Variants in TYW1 observed in about 807,000 individuals in gnomAD.
TYW1 encodes S-adenosyl-L-methionine-dependent tRNA 4-demethylwyosine synthase TYW1.
Under a neutral mutation model 96.2 loss-of-function variants are expected in TYW1, and 46 were observed. That is an observed-to-expected ratio of 0.48 (90% CI 0.38 to 0.61). The LOEUF (loss-of-function observed/expected upper bound fraction) is 0.61. TYW1 is among the 20% of genes least tolerant of loss of function. The pLI, the probability that TYW1 is intolerant of heterozygous loss-of-function variation, is 0.00. For synonymous variants in TYW1, 274 were observed against 323.0 expected (o/e 0.85, Z 1.63); for missense variants, 684 against 909.6 (o/e 0.75, Z 3.19).
At position 67,194,630 on chromosome 7, in the gene TYW1, GATAATA is replaced by G. The variant is rs144931736; in HGVS notation, c.1810-531_1810-526del. On this transcript the variant is annotated intron_variant, in intron 14 of 15. Coordinates refer to ENST00000359626, the MANE Select transcript of TYW1 (RefSeq NM_018264.4). ...CAGAGCAAGACTCTGACTCAAAAAT[GATAATA>G]ATAATAATTTTAAAGGGATCCTTAT... is the stretch of plus-strand genomic sequence containing the variant. 4.0e-5 allele frequency among the ~76,000 whole-genome samples: 6 copies of G among 150,582 alleles called. 1 individual carries two copies. In the Middle Eastern group the frequency reaches 0.017, roughly 427 times the overall value.
chr7:67,079,171 G>GTGTGT (rs1554359509), intron 10 of TYW1, among the ~76,000 whole-genome samples: 8,565 of 148,870 alleles, frequency 0.058, 305 homozygotes, highest in South Asian at 0.1. Flanking sequence ...TCGTGTGAGA[G>GTGTGT]GTGTGTGTGT....
At chr7:67,109,398 CTG>C (rs1469656638) in intron 12 of TYW1, among the ~76,000 whole-genome samples, 1 of 151,728 alleles carries the variant, frequency 6.6e-6, no homozygotes, top group Non-Finnish European at 1.5e-5. Context: ...TCTTGTTTCT[CTG>C]TGAAAACAAT....
At chr7:67,051,732 G>GTTTTTTTTTTTTTTT (rs201852688) in intron 8 of TYW1, among the ~76,000 whole-genome samples, 4 of 123,956 alleles carry the variant, frequency 3.2e-5, no homozygotes, top group Admixed American at 8.0e-5. Flanking sequence ...TTGTTTTTTT[G>GTTTTTTTTTTTTTTT]TTTTTTTTTT....
At position 67,017,634 on chromosome 7, in the gene TYW1, A is replaced by C. The variant is rs199765375; in HGVS notation, c.571-219A>C. Among the ~76,000 whole-genome samples, 10 of 152,284 alleles carry C rather than the reference A, an allele frequency of 6.6e-5. No individual in the cohort carries two copies. In the South Asian group the frequency reaches 2.1e-3, roughly 32 times the overall value. On this transcript the variant is annotated intron_variant, in intron 5 of 15. Transcript: ENST00000359626. Reference sequence around the variant, plus strand: ...GGTTTGTTTGTCCTTTTGTTTAAAAAAATAAATCTAAGGCAGAAAAGTAGA... The same window carrying C: ...GGTTTGTTTGTCCTTTTGTTTAAAACAATAAATCTAAGGCAGAAAAGTAGA...
At chr7:67,191,180 A>G (rs1412920539) in intron 14 of TYW1, among the ~76,000 whole-genome samples, 1 of 152,158 alleles carries the variant, frequency 6.6e-6, no homozygotes, top group East Asian at 1.9e-4. Flanking sequence ...ACAGATGGAC[A>G]CTGCCCTTGT....
In TYW1 at chr7:67,158,970, A is replaced by G. The variant is rs1294831344; in HGVS notation, c.1699-24156A>G. Among the ~76,000 whole-genome samples, 3 of 152,174 alleles carry G rather than the reference A, an allele frequency of 2.0e-5. No individual in the cohort carries two copies. In the East Asian group the frequency reaches 5.8e-4, roughly 29 times the overall value. On this transcript the variant is annotated intron_variant, in intron 13 of 15. Transcript: ENST00000359626. ...ATGTAATTTTATTTTTCCAGAGCCA[A>G]ATTTTTGTTTTGTTGATTATTCTCT...
intron 12 of TYW1, among the ~76,000 whole-genome samples, chr7:67,110,363 A>G (rs1797364495): frequency 6.6e-6 from 1 of 152,120 alleles, no homozygotes; most frequent in African/African-American, 2.4e-5. Flanking sequence ...CAGGCAGCGA[A>G]AACCAAGGCA....
At chr7:67,050,822 TGACTC>T (rs1476784748) in intron 8 of TYW1, among the ~76,000 whole-genome samples, 1 of 152,202 alleles carries the variant, frequency 6.6e-6, no homozygotes, top group Non-Finnish European at 1.5e-5. Flanking sequence ...TTTTTAAAAA[TGACTC>T]TATTTTATAT....
Position 67,142,869 on chromosome 7 carries a change from T to A in TYW1, c.1698+25251T>A, listed in dbSNP as rs1483104078. ...GAATTCGAGAGCAGCCTGGCCAACA[T>A]GGTGAAACCCCATCTCTACTAAAAA... On this transcript the variant is annotated intron_variant, in intron 13 of 15. Transcript: ENST00000359626. Among the ~76,000 whole-genome samples, 3 of 152,048 alleles carry A rather than the reference T, an allele frequency of 2.0e-5. No individual in the cohort carries two copies. In the East Asian group the frequency reaches 5.8e-4, roughly 29 times the overall value.
At chr7:67,238,167 G>A (rs1563085074) in intron 15 of TYW1, 141 bp from the exon 16 acceptor site, 1 of 1,271,096 alleles carries the variant, frequency 7.9e-7, no homozygotes, top group Non-Finnish European at 1.1e-6. Context: ...CATGGAAGAG[G>A]TTTTTTTGTG....
At chr7:67,006,948 C>CTTTTTTT (rs34475001) in intron 3 of TYW1, among the ~76,000 whole-genome samples, 974 of 45,138 alleles carry the variant, frequency 0.022, 157 homozygotes, top group East Asian at 0.042. Flanking sequence ...AGATGTGAGG[C>CTTTTTTT]TTTTTTTTTT....
intron 13 of TYW1, among the ~76,000 whole-genome samples, chr7:67,127,649 T>C (rs1797948684): frequency 6.6e-6 from 1 of 152,258 alleles, no homozygotes; most frequent in Non-Finnish European, 1.5e-5. Context: ...CCTTCTCTGA[T>C]GTTCTTCCTT....
intron 13 of TYW1, among the ~76,000 whole-genome samples, chr7:67,156,607 G>A (rs1798983976): frequency 6.6e-6 from 1 of 152,198 alleles, no homozygotes; most frequent in African/African-American, 2.4e-5. Flanking sequence ...GTGGACTAGA[G>A]TGCTGGGGAC....
intron 13 of TYW1, among the ~76,000 whole-genome samples, chr7:67,141,842 C>T (rs1322263330): frequency 1.3e-5 from 2 of 152,090 alleles, no homozygotes; most frequent in Non-Finnish European, 2.9e-5. Flanking sequence ...TTGAGACCAC[C>T]CTGACCAACA....
At chr7:67,197,971 C>T (rs1290497233) in intron 15 of TYW1, among the ~76,000 whole-genome samples, 2 of 142,286 alleles carry the variant, frequency 1.4e-5, no homozygotes, top group Non-Finnish European at 3.1e-5. Flanking sequence ...CCCCCGCCCC[C>T]GCAGCATACA....
chr7:67,039,854 G>A (rs1794960412), intron 7 of TYW1, among the ~76,000 whole-genome samples: 1 of 151,858 alleles, frequency 6.6e-6, no homozygotes, highest in African/African-American at 2.4e-5. Flanking sequence ...GTATAGACGG[G>A]GTTTCACCGT....
At chr7:67,064,753 A>G (rs929589603) in intron 9 of TYW1, among the ~76,000 whole-genome samples, 9 of 152,198 alleles carry the variant, frequency 5.9e-5, no homozygotes, top group African/African-American at 2.2e-4. Context: ...ATTCAAGTTG[A>G]CATTTGAGTG....
chr7:67,081,069 T>G (rs1772149483), intron 10 of TYW1, among the ~76,000 whole-genome samples: 1 of 151,018 alleles, frequency 6.6e-6, no homozygotes. Context: ...TGTATTTTCA[T>G]GATGGTAATT....
intron 15 of TYW1, among the ~76,000 whole-genome samples, chr7:67,224,000 A>G (rs1368620209): frequency 1.3e-5 from 2 of 151,928 alleles, no homozygotes; most frequent in African/African-American, 2.4e-5. Flanking sequence ...CTACCTGGAT[A>G]TTTTTAAAAT....
Sources: allele counts gnomAD v4.1 joint callset (sites outside exome capture counted in the v4.1 genomes callset), GRCh38; gene constraint gnomAD v4.1.1; transcripts MANE v1.5; gene names NCBI Gene and HGNC (gene_info 2026-07-23, HGNC 2026-07-21).